ARHGAP1: variants seen among roughly 807,000 people sequenced by gnomAD.
ARHGAP1 encodes the protein Rho GTPase activating protein 1, also known as rho GTPase-activating protein 1.
Under a neutral mutation model 52.2 loss-of-function variants are expected in ARHGAP1, and 23 were observed. The ratio of observed to expected loss-of-function variants is 0.44; its 90% CI spans 0.32 to 0.62. The LOEUF is 0.62. Ranked by LOEUF, ARHGAP1 falls within the 20% of genes least tolerant of loss-of-function variation. The pLI, the probability that ARHGAP1 is intolerant of heterozygous loss-of-function variation, is 0.05. For missense variants in ARHGAP1, 480 were observed against 560.9 expected, an observed-to-expected ratio of 0.86 and a Z score of 1.46; for synonymous variants, 210 against 228.4, an observed-to-expected ratio of 0.92 and a Z score of 0.73.
chr11:46,683,412 A>T (rs2064543533), intron 4 of ARHGAP1, among the ~76,000 whole-genome samples: 1 of 152,026 alleles, frequency 6.6e-6, no homozygotes, highest in Admixed American at 6.6e-5. Flanking sequence ...CCGGCGGTAA[A>T]ACACTGTGCC....
At position 46,679,228 on chromosome 11, in the gene ARHGAP1, G is replaced by A. The variant is rs770799258; in HGVS notation, c.1132-3C>T. On this transcript the variant is annotated splice_polypyrimidine_tract_variant and splice_region_variant and intron_variant, in intron 12 of 12. Coordinates refer to ENST00000311956, the MANE Select transcript of ARHGAP1 (RefSeq NM_004308.5). This position sits in a 1 kb window ranked among gnomAD's most constrained non-coding sequence, Gnocchi z 4.4. The stretch of plus-strand genomic sequence containing the variant: ...TTCTGGTCACTGTGTGCAGAAATCT[G>A]TGGAGGGAATCAGGGACTGCAGCAG... 36 of 1,597,448 alleles carry A rather than the reference G, an allele frequency of 2.3e-5. No individual in the cohort carries two copies. Among genetic ancestry groups the A allele is most frequent in the Non-Finnish European group, 3.0e-5 (35 of 1,170,418 alleles).
Position 46,678,196 on chromosome 11 carries a change from T to A in ARHGAP1, c.*841A>T, listed in dbSNP as rs1410377133. The A allele has an allele frequency of 5.2e-6, 1 of 193,746 alleles. No individual in the cohort carries two copies. Among genetic ancestry groups the A allele is most frequent in the Non-Finnish European group, 1.1e-5 (1 of 91,364 alleles). The allele number at this position is 193,746 out of a possible 1,614,324, so 12.0% of individuals were successfully genotyped here. The stretch of plus-strand genomic sequence containing the variant: ...GACAGGTCCACAAGAACATGAAGGC[T>A]GATGATCTGCCCGTGTGGGAAAGGA... On this transcript the variant is annotated 3_prime_UTR_variant, in exon 13 of 13. Transcript: ENST00000311956.
chr11:46,691,580 T>G (rs2064615788), intron 3 of ARHGAP1, among the ~76,000 whole-genome samples: 1 of 151,766 alleles, frequency 6.6e-6, no homozygotes, highest in African/African-American at 2.4e-5. Flanking sequence ...GCATCCTGAG[T>G]AGCTAGGACT....
intron 1 of ARHGAP1, among the ~76,000 whole-genome samples, chr11:46,698,323 C>T (rs906209828): frequency 1.3e-5 from 2 of 152,084 alleles, no homozygotes; most frequent in African/African-American, 2.4e-5. Flanking sequence ...CAGCCGGGGC[C>T]GGGCACGGTG....
intron 4 of ARHGAP1, among the ~76,000 whole-genome samples, chr11:46,685,743 ATC>A (rs929335949): frequency 4.7e-5 from 7 of 149,044 alleles, no homozygotes; most frequent in African/African-American, 1.5e-4. Context: ...CAGTGGCGCA[ATC>A]TCGGCTGACT....
At chr11:46,694,840 C>T (rs1010557275) in intron 3 of ARHGAP1, among the ~76,000 whole-genome samples, 1 of 152,084 alleles carries the variant, frequency 6.6e-6, no homozygotes, top group African/African-American at 2.4e-5. Flanking sequence ...CTTTCCAAGC[C>T]CAGCACCCCC....
At chr11:46,699,156 T>G (rs527567728) in intron 1 of ARHGAP1, among the ~76,000 whole-genome samples, 2 of 152,344 alleles carry the variant, frequency 1.3e-5, no homozygotes, top group South Asian at 4.1e-4. Flanking sequence ...ACTTAGGAGA[T>G]GTATGCAATT....
rs1018214211 is a variant in ARHGAP1, at chr11:46,681,681, G to A, written c.450-302C>T. 2.6e-5 allele frequency among the ~76,000 whole-genome samples: 4 copies of A among 152,076 alleles called. No homozygotes were observed. Among genetic ancestry groups the A allele is most frequent in the African/African-American group, 7.2e-5 (3 of 41,422 alleles). On this transcript the variant is annotated intron_variant, in intron 5 of 12. Coordinates refer to ENST00000311956, the MANE Select transcript of ARHGAP1 (RefSeq NM_004308.5). The surrounding 1 kb of genome is among the most constrained non-coding windows in gnomAD (Gnocchi z 5.7). Reference sequence around the variant, plus strand: ...ACTCCTGACCTCAAGTGATCCATCCGCCTCAGCTTCCCAAAGTGCTGGGAT... The same window carrying A: ...ACTCCTGACCTCAAGTGATCCATCCACCTCAGCTTCCCAAAGTGCTGGGAT...
intron 3 of ARHGAP1, among the ~76,000 whole-genome samples, chr11:46,693,875 T>A (rs1359053620): frequency 6.6e-6 from 1 of 152,142 alleles, no homozygotes; most frequent in Admixed American, 6.6e-5. Flanking sequence ...AAACTGCAAA[T>A]GCTACAAATC....
intron 3 of ARHGAP1, 99 bp downstream of exon 3, chr11:46,695,561 G>C (rs575240151): frequency 7.9e-7 from 1 of 1,271,226 alleles, no homozygotes; most frequent in East Asian, 2.5e-5. Flanking sequence ...CAGGGCCAGC[G>C]GTCAGACTGC....
chr11:46,678,965 G>C lies in ARHGAP1; in HGVS notation c.*72C>G, dbSNP rs2064501562. 6.6e-7 allele frequency: 1 copy of C among 1,511,286 alleles called. No homozygotes were observed. The highest frequency in any genetic ancestry group is 1.2e-5 in the South Asian group (1 of 83,534). The allele number at this position is 1,511,286 out of a possible 1,614,324, so 93.6% of individuals were successfully genotyped here. A position where few individuals can be genotyped will look rare whatever the true frequency, so the allele number is the denominator to read the frequency against. On this transcript the variant is annotated 3_prime_UTR_variant, in exon 13 of 13. Coordinates refer to ENST00000311956, the MANE Select transcript of ARHGAP1 (RefSeq NM_004308.5). ...AACATCTCTCTCCAGGGGGCTTCAT[G>C]GCCCCTGATGCCAGGAGGAAGAGTC...
intron 3 of ARHGAP1, among the ~76,000 whole-genome samples, chr11:46,694,590 G>A (rs2064638694): frequency 1.3e-5 from 2 of 152,194 alleles, no homozygotes; most frequent in Admixed American, 1.3e-4. Flanking sequence ...GATGATGTCA[G>A]GACAGAGACT....
chr11:46,680,176 T>C lies in ARHGAP1; in HGVS notation c.898+29A>G, dbSNP rs772985355. On this transcript the variant is annotated intron_variant, in intron 10 of 12. Transcript: ENST00000311956. This position sits in a 1 kb window ranked among gnomAD's most constrained non-coding sequence, Gnocchi z 5.9. ...AAGCCCCCTACCAGTAACACACATA[T>C]GGCCCTGCAACAGCCCAGGGCTGCT... The C allele has an allele frequency of 2.3e-5, 37 of 1,608,256 alleles. No individual in the cohort carries two copies. The highest frequency in any genetic ancestry group is 2.9e-5 in the Non-Finnish European group (34 of 1,174,954).
At chr11:46,694,927 A>G (rs1408116075) in intron 3 of ARHGAP1, among the ~76,000 whole-genome samples, 2 of 152,200 alleles carry the variant, frequency 1.3e-5, no homozygotes, top group African/African-American at 4.8e-5. Context: ...GAGCAGGGCC[A>G]TGCTGCCACC....
chr11:46,689,771 C>T (rs1305068312), intron 3 of ARHGAP1, among the ~76,000 whole-genome samples: 3 of 152,156 alleles, frequency 2.0e-5, no homozygotes, highest in Non-Finnish European at 2.9e-5. Context: ...GAACTCCTGA[C>T]GTCACGATCC....
chr11:46,680,500 G>A lies in ARHGAP1; in HGVS notation c.807C>T (p.Tyr269=), dbSNP rs1468144994. The A allele has an allele frequency of 1.2e-6, 2 of 1,614,018 alleles. No individual in the cohort carries two copies. Among genetic ancestry groups the A allele is most frequent in the East Asian group, 2.2e-5 (1 of 44,862 alleles). The change falls in exon 9 of 13, where the codon TAC becomes TAT. Residue 269 remains tyrosine (Y), a synonymous_variant. Transcript: ENST00000311956. This position sits in a 1 kb window ranked among gnomAD's most constrained non-coding sequence, Gnocchi z 5.9. ...IPIVLRETVA[Y]LQAHALTTEG... is the part of the protein sequence containing the mutation. ...CCCGGCACTCACCGTGGGCCTGTAA[G>A]TAGGCAACAGTCTCCCTGAGTACAA...
intron 3 of ARHGAP1, among the ~76,000 whole-genome samples, chr11:46,691,204 T>A (rs1393915511): frequency 2.0e-5 from 3 of 152,158 alleles, no homozygotes; most frequent in Non-Finnish European, 4.4e-5. Context: ...ATGTGGCAGG[T>A]ATTCAATACG....
Position 46,677,818 on chromosome 11 carries a change from C to T in ARHGAP1, c.*1219G>A. ...TACAAAAATTAGCTGGGCATGGTGG[C>T]ATGCACCTATAGTCCCAGCTACTCA... On this transcript the variant is annotated 3_prime_UTR_variant, in exon 13 of 13. Coordinates refer to ENST00000311956, the MANE Select transcript of ARHGAP1 (RefSeq NM_004308.5). The T allele has an allele frequency of 3.0e-6, 1 of 337,886 alleles. No individual in the cohort carries two copies. 20.9% of individuals were successfully genotyped at this position (337,886 alleles called of 1,614,324 possible).
rs771274873 is a variant in ARHGAP1, at chr11:46,680,650, A to G, written c.733T>C (p.Ser245Pro). The G allele has an allele frequency of 3.7e-6, 6 of 1,612,108 alleles. No individual in the cohort carries two copies. The highest frequency in any genetic ancestry group is 2.2e-5 in the East Asian group (1 of 44,824). Reference sequence around the variant, plus strand: ...ACCTTTCATACTTACTGCTGCAGCGAGACTCCAAACTGCTGGTTGGGCAGG... The same window carrying G: ...ACCTTTCATACTTACTGCTGCAGCGGGACTCCAAACTGCTGGTTGGGCAGG... The part of the protein sequence containing the change: ...PPLPNQQFGV[S>P]LQHLQEKNPE... Residue 245 changes from serine to proline, a missense_variant, in exon 8 of 13, where the codon TCG becomes CCG. Transcript: ENST00000311956. This position sits in a 1 kb window ranked among gnomAD's most constrained non-coding sequence, Gnocchi z 5.9.
Sources: allele counts gnomAD v4.1 joint callset (sites outside exome capture counted in the v4.1 genomes callset), GRCh38; gene constraint gnomAD v4.1.1; non-coding constraint Gnocchi (gnomAD v3.1); transcripts MANE v1.5; gene names NCBI Gene and HGNC (gene_info 2026-07-23, HGNC 2026-07-21).